Variants in SMYD3 observed in about 807,000 individuals in gnomAD.
SMYD3 encodes SET and MYND domain containing 3.
SMYD3 carries 36 observed loss-of-function variants against 57.7 expected under a neutral mutation model. That is an observed-to-expected ratio of 0.62 (90% CI 0.48 to 0.82). The LOEUF (loss-of-function observed/expected upper bound fraction) is 0.82. Ranked by LOEUF, SMYD3 falls within the 40% of genes least tolerant of loss-of-function variation. The probability of loss-of-function intolerance (pLI) is 0.00; values close to 1 mark genes in which losing one functional copy is unlikely to be tolerated. For missense variants in SMYD3, 515 were observed against 538.8 expected (o/e 0.96, Z 0.44); for synonymous variants, 211 against 195.0 (o/e 1.08, Z -0.68).
rs190656414 is a variant in SMYD3, at chr1:245,927,560, C to G, written c.702+371G>C. 4.0e-3 allele frequency among the ~76,000 whole-genome samples: 615 copies of G among 152,012 alleles called. 1 individual carries two copies. Among genetic ancestry groups the G allele is most frequent in the Non-Finnish European group, 6.5e-3 (441 of 67,992 alleles). ...GGATCCCACTCACAAGCTGGGATGCCCCCCCCTGCCCACGGAAGGATATGA... is the reference window on the plus strand; with the variant it reads ...GGATCCCACTCACAAGCTGGGATGCGCCCCCCTGCCCACGGAAGGATATGA... On this transcript the variant is annotated intron_variant, in intron 7 of 11. Coordinates refer to ENST00000490107, the MANE Select transcript of SMYD3 (RefSeq NM_001167740.2).
chr1:246,467,736 A>C (rs1468421463), intron 1 of SMYD3, among the ~76,000 whole-genome samples: 1 of 152,236 alleles, frequency 6.6e-6, no homozygotes, highest in Non-Finnish European at 1.5e-5. Context: ...ATGGAAGAGG[A>C]GGGAATACTT....
intron 1 of SMYD3, among the ~76,000 whole-genome samples, chr1:246,383,024 C>T (rs544629609): frequency 1.1e-4 from 16 of 152,084 alleles, no homozygotes; most frequent in Admixed American, 5.9e-4. Context: ...TCTAGTCCTT[C>T]AAACCCAAGA....
intron 1 of SMYD3, among the ~76,000 whole-genome samples, chr1:246,495,348 C>CA (rs11329443): frequency 0.12 from 6,769 of 57,354 alleles, 583 homozygotes; most frequent in Middle Eastern, 0.19. Flanking sequence ...GACTCCGTCT[C>CA]AAAAAAAAAA....
At chr1:246,114,463 T>A (rs913652111) in intron 5 of SMYD3, among the ~76,000 whole-genome samples, 3 of 152,150 alleles carry the variant, frequency 2.0e-5, no homozygotes, top group African/African-American at 7.2e-5. Context: ...TTGTACAACA[T>A]CCTGTTCCCA....
chr1:246,375,337 T>C (rs1297130783), intron 1 of SMYD3, among the ~76,000 whole-genome samples: 2 of 144,076 alleles, frequency 1.4e-5, no homozygotes, highest in Non-Finnish European at 3.0e-5. Context: ...TTTTTTTTTT[T>C]TTTTTTTTTT....
chr1:246,393,727 G>A (rs2066609208), intron 1 of SMYD3, among the ~76,000 whole-genome samples: 1 of 150,824 alleles, frequency 6.6e-6, no homozygotes, highest in South Asian at 2.1e-4. Flanking sequence ...ATGCTGGCAG[G>A]CACCTGTTAT....
chr1:246,395,251 T>C (rs2066640844), intron 1 of SMYD3, among the ~76,000 whole-genome samples: 1 of 152,208 alleles, frequency 6.6e-6, no homozygotes, highest in Middle Eastern at 3.2e-3. Context: ...CATGGATCTT[T>C]TGGAACGAGG....
At chr1:245,951,236 G>C (rs936484280) in intron 5 of SMYD3, among the ~76,000 whole-genome samples, 1 of 151,992 alleles carries the variant, frequency 6.6e-6, no homozygotes, top group Non-Finnish European at 1.5e-5. Flanking sequence ...GTTACAGAAA[G>C]ATGCGGGGGT....
At chr1:246,478,745 T>TC (rs756507607) in intron 1 of SMYD3, among the ~76,000 whole-genome samples, 9,091 of 10,090 alleles carry the variant, frequency 0.9, 4,432 homozygotes, top group East Asian at 0.97. Context: ...CTGTCCTCCA[T>TC]CTGGAGCTGG....
At chr1:246,092,855 T>C (rs892811761) in intron 5 of SMYD3, among the ~76,000 whole-genome samples, 1 of 151,778 alleles carries the variant, frequency 6.6e-6, no homozygotes, top group Non-Finnish European at 1.5e-5. Flanking sequence ...ACTCTCCATC[T>C]GACAAGTGAT....
intron 1 of SMYD3, among the ~76,000 whole-genome samples, chr1:246,437,602 G>A (rs2067398686): frequency 1.3e-5 from 2 of 152,298 alleles, no homozygotes; most frequent in South Asian, 2.1e-4. Context: ...TGCTTTTTCT[G>A]TACACAATTT....
At chr1:245,957,680 C>G (rs922367964) in intron 5 of SMYD3, among the ~76,000 whole-genome samples, 4 of 152,184 alleles carry the variant, frequency 2.6e-5, no homozygotes, top group African/African-American at 9.7e-5. Flanking sequence ...TCTGTCATAT[C>G]AGTACTGTTT....
chr1:245,901,547 A>G (rs1364666171), intron 8 of SMYD3, among the ~76,000 whole-genome samples: 1 of 152,202 alleles, frequency 6.6e-6, no homozygotes, highest in Non-Finnish European at 1.5e-5. Context: ...ATCTCAATCT[A>G]ATAATGTGCT....
chr1:245,873,997 T>C (rs1163264550), intron 8 of SMYD3, among the ~76,000 whole-genome samples: 1 of 152,248 alleles, frequency 6.6e-6, no homozygotes, highest in African/African-American at 2.4e-5. Flanking sequence ...TAGTCGCCTA[T>C]GTGTAAAGTA....
At chr1:245,940,165 G>GC (rs1294982804) in intron 5 of SMYD3, among the ~76,000 whole-genome samples, 54 of 152,188 alleles carry the variant, frequency 3.5e-4, no homozygotes, top group Non-Finnish European at 7.3e-5. Context: ...GGGAGGGGCA[G>GC]CTATGGTCTC....
At chr1:245,953,153 G>A (rs2057719380) in intron 5 of SMYD3, 1 of 829,176 alleles carries the variant, frequency 1.2e-6, no homozygotes, top group Non-Finnish European at 1.5e-6. Flanking sequence ...CCCCAAAGAG[G>A]AATTGAAGCT....
intron 10 of SMYD3, among the ~76,000 whole-genome samples, chr1:245,766,047 T>C (rs776236962): frequency 9.9e-5 from 15 of 151,768 alleles, no homozygotes; most frequent in Non-Finnish European, 1.9e-4. Context: ...TCTTAAGAAG[T>C]AGAAAGCAGT....
intron 5 of SMYD3, 191 bp downstream of exon 5, chr1:246,327,010 G>A: frequency 1.6e-6 from 1 of 622,460 alleles, no homozygotes; most frequent in Non-Finnish European, 2.7e-6. Flanking sequence ...TAATCAAACA[G>A]AAAAATTCAT....
At position 246,064,817 on chromosome 1, in the gene SMYD3, C is replaced by T. The variant is rs143671999; in HGVS notation, c.532-134880G>A. Among the ~76,000 whole-genome samples the T allele has an allele frequency of 3.4e-3, 517 of 152,356 alleles. 1 individual carries two copies. The highest frequency in any genetic ancestry group is 5.4e-3 in the Non-Finnish European group (369 of 68,032). On this transcript the variant is annotated intron_variant, in intron 5 of 11. Transcript: ENST00000490107. ...ACGATTTTGGCACAGACACTGGGAACCGTGCATCGTTCATGTTATCCTCTT... is the reference window on the plus strand; with the variant it reads ...ACGATTTTGGCACAGACACTGGGAATCGTGCATCGTTCATGTTATCCTCTT...
Sources: gnomAD v4.1 joint callset for allele counts (sites outside exome capture counted in the v4.1 genomes callset) on GRCh38, gnomAD v4.1.1 for gene constraint, MANE v1.5 for transcripts, NCBI Gene and HGNC (gene_info 2026-07-23, HGNC 2026-07-21) for gene names.